The following CSMD2 variants were observed in gnomAD, a reference collection of about 807,000 sequenced individuals.
CSMD2 encodes CUB and sushi domain-containing protein 2.
In CSMD2, 130 loss-of-function variants were observed where a neutral mutation model predicts 398.5. The observed-to-expected ratio is 0.33, with a 90% CI of 0.28 to 0.38. The LOEUF is 0.38. CSMD2 is among the 10% of genes least tolerant of loss of function. CSMD2 has a pLI of 1.00. For synonymous variants in CSMD2, 1,828 were observed against 1,908.5 expected, an observed-to-expected ratio of 0.96 and a Z score of 1.10; for missense variants, 3,829 against 4,764.9, an observed-to-expected ratio of 0.80 and a Z score of 5.78.
rs765547116 is a variant in CSMD2, at chr1:33,716,363, T to C, written c.3140A>G (p.Tyr1047Cys). The change falls in exon 20 of 71, where the codon TAT (tyrosine) becomes TGT (cysteine). Residue 1047 changes from tyrosine to cysteine, a missense_variant. Physicochemically the swap from Tyr to Cys is radical, Grantham distance 194. Around this residue, in one of 5 missense-constraint regions of CSMD2, gnomAD observed 2,001 missense variants for 2,567.1 expected, o/e 0.78. Transcript: ENST00000373381. Reference sequence around the variant, plus strand: ...GCGGACCTGGGCAGTGAAGTTGCCATAGAGCCCAGCGCTGATGGGAGCTGG... The same window carrying C: ...GCGGACCTGGGCAGTGAAGTTGCCACAGAGCCCAGCGCTGATGGGAGCTGG... ...RLPAPISAGLYGNFTAQVRFI... is the reference protein window; with the variant it reads ...RLPAPISAGLCGNFTAQVRFI... 1 of 1,614,098 alleles carries C rather than the reference T, an allele frequency of 6.2e-7. No homozygotes were observed. The highest frequency in any genetic ancestry group is 8.5e-7 in the Non-Finnish European group (1 of 1,180,018).
At chr1:33,595,601 CA>C (rs1639786210) in intron 44 of CSMD2, among the ~76,000 whole-genome samples, 1 of 152,154 alleles carries the variant, frequency 6.6e-6, no homozygotes, top group African/African-American at 2.4e-5. Flanking sequence ...AGGTCACCAC[CA>C]TTTGTTACTA....
chr1:34,032,864 G>C (rs1265958008), intron 2 of CSMD2, among the ~76,000 whole-genome samples, 158 bp from the exon 3 acceptor site: 1 of 152,190 alleles, frequency 6.6e-6, no homozygotes, highest in Non-Finnish European at 1.5e-5. Context: ...ATGAAAACCA[G>C]CAGGCTTCTG....
chr1:33,592,089 G>T, intron 44 of CSMD2: 1 of 390,978 alleles, frequency 2.6e-6, no homozygotes, highest in Non-Finnish European at 4.8e-6. Context: ...ATTCAGGCTA[G>T]AATAAGCAAA....
intron 13 of CSMD2, among the ~76,000 whole-genome samples, chr1:33,751,827 A>G (rs915191352): frequency 3.3e-5 from 5 of 151,452 alleles, no homozygotes; most frequent in Admixed American, 3.3e-4. Flanking sequence ...GGGTTTCACC[A>G]TGTTGGCCAG....
At chr1:33,596,465 T>C (rs1311999240) in intron 44 of CSMD2, among the ~76,000 whole-genome samples, 1 of 152,136 alleles carries the variant, frequency 6.6e-6, no homozygotes, top group African/African-American at 2.4e-5. Context: ...ATTAGTCTGT[T>C]CTCACACTGC....
chr1:33,855,449 C>G (rs1347676195), intron 5 of CSMD2, among the ~76,000 whole-genome samples: 1 of 152,142 alleles, frequency 6.6e-6, no homozygotes, highest in Non-Finnish European at 1.5e-5. Context: ...ACAGGCTTGG[C>G]TTTCCCAGGG....
intron 15 of CSMD2, among the ~76,000 whole-genome samples, chr1:33,729,180 T>G (rs1192296787): frequency 2.0e-5 from 3 of 152,202 alleles, no homozygotes; most frequent in Non-Finnish European, 4.4e-5. Context: ...CAGTCTCCAT[T>G]GCCTGTCTAG....
intron 2 of CSMD2, among the ~76,000 whole-genome samples, chr1:34,045,747 C>G (rs889649440): frequency 2.6e-5 from 4 of 152,204 alleles, no homozygotes; most frequent in Non-Finnish European, 5.9e-5. Context: ...GTTCAGAATG[C>G]AAATCCTCTA....
chr1:33,826,101 T>C (rs1451560395), intron 6 of CSMD2, among the ~76,000 whole-genome samples: 1 of 152,220 alleles, frequency 6.6e-6, no homozygotes, highest in Non-Finnish European at 1.5e-5. Context: ...AACCTGCTCC[T>C]CAGCAAACTT....
At chr1:33,960,405 C>T (rs1645315798) in intron 3 of CSMD2, among the ~76,000 whole-genome samples, 1 of 152,204 alleles carries the variant, frequency 6.6e-6, no homozygotes, top group Admixed American at 6.5e-5. Context: ...ATTATCAGAC[C>T]ACTGACTTGG....
intron 3 of CSMD2, among the ~76,000 whole-genome samples, chr1:33,965,360 C>T (rs1352284878): frequency 6.6e-6 from 1 of 152,100 alleles, no homozygotes; most frequent in Non-Finnish European, 1.5e-5. Context: ...TGAAATTATG[C>T]AAGAGAACAA....
chr1:33,533,744 C>A lies in CSMD2; in HGVS notation c.9991+52G>T. On this transcript the variant is annotated intron_variant, in intron 63 of 70. Transcript: ENST00000373381. The surrounding 1 kb of genome is among the most constrained non-coding windows in gnomAD (Gnocchi z 4.2). ...GAGCATTCAAACATGACCCAGATGC[C>A]CAGCTGGGGCAAGAGGAATTTTCTT... is the stretch of plus-strand genomic sequence containing the variant. 8.2e-7 allele frequency: 1 copy of A among 1,223,906 alleles called. No homozygotes were observed. The highest frequency in any genetic ancestry group is 1.2e-5 in the South Asian group (1 of 81,664). 75.8% of individuals were successfully genotyped at this position (1,223,906 alleles called of 1,614,324 possible).
chr1:34,095,499 A>T (rs1312669470), intron 1 of CSMD2, among the ~76,000 whole-genome samples: 9 of 151,170 alleles, frequency 6.0e-5, no homozygotes, highest in African/African-American at 1.9e-4. Flanking sequence ...TCAACAAAAT[A>T]GATAGACCGC....
At chr1:33,614,758 T>C in intron 39 of CSMD2, 138 bp from the exon 40 acceptor site, 1 of 602,270 alleles carries the variant, frequency 1.7e-6, no homozygotes, top group East Asian at 2.8e-5. Flanking sequence ...TCCAAAGGAA[T>C]CTTCTTAAAA....
intron 54 of CSMD2, among the ~76,000 whole-genome samples, chr1:33,558,256 T>C (rs1300065616): frequency 6.6e-6 from 1 of 152,238 alleles, no homozygotes; most frequent in African/African-American, 2.4e-5. Flanking sequence ...CTAGTCTCCA[T>C]ATATCTGATC....
Position 34,091,565 on chromosome 1 carries a change from T to C in CSMD2, c.188-2372A>G, listed in dbSNP as rs111932079. ...ACACTAATTTTTTTAAAGCCCATTT[T>C]AGGGATTAACTGACAAAGGACAGTT... On this transcript the variant is annotated intron_variant, in intron 1 of 70. Coordinates refer to ENST00000373381, the MANE Select transcript of CSMD2 (RefSeq NM_001281956.2). Among the ~76,000 whole-genome samples, 95 of 152,314 alleles carry C rather than the reference T, an allele frequency of 6.2e-4. 1 individual carries two copies. Among genetic ancestry groups the C allele is most frequent in the African/African-American group, 2.2e-3 (90 of 41,560 alleles).
intron 3 of CSMD2, among the ~76,000 whole-genome samples, chr1:33,945,774 T>C (rs1461575035): frequency 5.9e-5 from 9 of 151,980 alleles, no homozygotes; most frequent in Non-Finnish European, 1.3e-4. Context: ...TATGTGAACC[T>C]CTCCAGCACC....
chr1:33,763,139 C>T lies in CSMD2; in HGVS notation c.1846+9430G>A, dbSNP rs541690849. On this transcript the variant is annotated intron_variant, in intron 13 of 70. Transcript: ENST00000373381. ...TATCTTGGCATGACACAAGTATTAG[C>T]TAGGAAAAAAGTCTCTTGGCATGAT... Among the ~76,000 whole-genome samples the T allele has an allele frequency of 1.5e-4, 23 of 152,230 alleles. No individual in the cohort carries two copies. The South Asian group carries it at 1.7e-3, about 11-fold the overall frequency.
chr1:33,715,353 C>T (rs1438997881), intron 20 of CSMD2, among the ~76,000 whole-genome samples: 5 of 152,226 alleles, frequency 3.3e-5, no homozygotes, highest in Admixed American at 6.5e-5. Context: ...TTGAGGCAGA[C>T]GGCAAGCATG....
Sources: gnomAD v4.1 joint callset for allele counts (sites outside exome capture counted in the v4.1 genomes callset) on GRCh38, gnomAD v4.1.1 for gene constraint, gnomAD v4.1.1 regional missense constraint, Gnocchi (gnomAD v3.1) non-coding constraint, MANE v1.5 for transcripts, NCBI Gene and HGNC (gene_info 2026-07-23, HGNC 2026-07-21) for gene names.